SLC22A25: variants seen among roughly 807,000 people sequenced by gnomAD.
SLC22A25 encodes the protein solute carrier family 22 member 25.
SLC22A25 carries 44 observed loss-of-function variants against 45.9 expected under a neutral mutation model. That is an observed-to-expected ratio of 0.96 (90% CI 0.75 to 1.23). The LOEUF is 1.23. Among genes scored for constraint, SLC22A25 ranks in the 50% most tolerant of loss-of-function variants. The probability of loss-of-function intolerance (pLI) is 0.00; values close to 1 mark genes in which losing one functional copy is unlikely to be tolerated. For synonymous variants in SLC22A25, 283 were observed against 238.6 expected (o/e 1.19, Z -1.72); for missense variants, 800 against 666.4 (o/e 1.20, Z -2.21).
Position 63,163,157 on chromosome 11 carries a change from T to C in SLC22A25, c.*667A>G, listed in dbSNP as rs2087564566. On this transcript the variant is annotated 3_prime_UTR_variant, in exon 12 of 12. Transcript: ENST00000306494. ...AAAACCAAGCTCCCAGCCTAGGATC[T>C]GGGAAGGCAGCTTGAATAGCTTCAA... Among the ~76,000 whole-genome samples the C allele has an allele frequency of 6.6e-6, 1 of 152,196 alleles. No homozygotes were observed. Among genetic ancestry groups the C allele is most frequent in the South Asian group, 2.1e-4 (1 of 4,826 alleles).
At chr11:63,184,478 T>A (rs2088446918) in intron 7 of SLC22A25, among the ~76,000 whole-genome samples, 1 of 152,180 alleles carries the variant, frequency 6.6e-6, no homozygotes, top group Non-Finnish European at 1.5e-5. Context: ...TCCACTGAAC[T>A]GATTTTGTTA....
intron 4 of SLC22A25, 148 bp from the exon 5 acceptor site, chr11:63,228,712 A>G (rs2090011521): frequency 1.7e-6 from 1 of 602,262 alleles, no homozygotes; most frequent in Non-Finnish European, 2.9e-6. Context: ...TTCAGGTCTC[A>G]ACTTAAGCAC....
chr11:63,233,029 G>A lies in SLC22A25; in HGVS notation c.-444-2933C>T, dbSNP rs376639573. Among the ~76,000 whole-genome samples the A allele has an allele frequency of 4.4e-4, 67 of 152,174 alleles. 3 individuals are homozygous for A. Among genetic ancestry groups the A allele is most frequent in the East Asian group, 2.3e-3 (12 of 5,178 alleles). Reference sequence around the variant, plus strand: ...AGCTTTTTGATGTGCTGCTGGATTCGGTTTGCCAGTATTTTATTGAGGATT... The same window carrying A: ...AGCTTTTTGATGTGCTGCTGGATTCAGTTTGCCAGTATTTTATTGAGGATT... On this transcript the variant is annotated intron_variant, in intron 3 of 11. Transcript: ENST00000306494.
intron 9 of SLC22A25, among the ~76,000 whole-genome samples, chr11:63,171,598 C>T (rs1459493803): frequency 6.6e-6 from 1 of 152,106 alleles, no homozygotes; most frequent in Non-Finnish European, 1.5e-5. Flanking sequence ...ATACAACTTA[C>T]AAGGGACGTG....
chr11:63,176,062 T>C (rs1467403921), intron 9 of SLC22A25, among the ~76,000 whole-genome samples: 1 of 152,054 alleles, frequency 6.6e-6, no homozygotes, highest in Non-Finnish European at 1.5e-5. Context: ...TTCTCCATTC[T>C]GTTCCATTGG....
At chr11:63,198,036 C>G (rs76383116) in intron 7 of SLC22A25, among the ~76,000 whole-genome samples, 1 of 152,104 alleles carries the variant, frequency 6.6e-6, no homozygotes, top group Non-Finnish European at 1.5e-5. Flanking sequence ...TACCATCTCA[C>G]AGCGTTAGAA....
chr11:63,223,527 T>C (rs1217920736), intron 5 of SLC22A25, among the ~76,000 whole-genome samples: 1 of 152,036 alleles, frequency 6.6e-6, no homozygotes, highest in Non-Finnish European at 1.5e-5. Context: ...TTTCTTAGTC[T>C]AGCTAAAGGT....
rs1377411265 is a variant in SLC22A25, at chr11:63,160,866, C to A, written c.*2958G>T. Reference sequence around the variant, plus strand: ...ATAACTTTGGAGCTTTAAGATTGGACTTCCCTGCTGGATTTTGGAATTGTA... The same window carrying A: ...ATAACTTTGGAGCTTTAAGATTGGAATTCCCTGCTGGATTTTGGAATTGTA... On this transcript the variant is annotated 3_prime_UTR_variant, in exon 12 of 12. Transcript: ENST00000306494. 6.6e-6 allele frequency among the ~76,000 whole-genome samples: 1 copy of A among 152,136 alleles called. No individual in the cohort carries two copies. Among genetic ancestry groups the A allele is most frequent in the Non-Finnish European group, 1.5e-5 (1 of 68,020 alleles).
At chr11:63,224,843 TA>T (rs2089925379) in intron 5 of SLC22A25, among the ~76,000 whole-genome samples, 1 of 152,178 alleles carries the variant, frequency 6.6e-6, no homozygotes, top group Non-Finnish European at 1.5e-5. Flanking sequence ...CTGACGCCTG[TA>T]ATCCCAGCAC....
chr11:63,203,364 T>C (rs994738867), intron 7 of SLC22A25, among the ~76,000 whole-genome samples: 1 of 151,828 alleles, frequency 6.6e-6, no homozygotes, highest in Non-Finnish European at 1.5e-5. Context: ...TCCTCTGAGC[T>C]AAAGGAGCAT....
chr11:63,221,889 C>T (rs1365626028), intron 5 of SLC22A25, among the ~76,000 whole-genome samples: 7 of 152,014 alleles, frequency 4.6e-5, no homozygotes, highest in Admixed American at 2.0e-4. Flanking sequence ...AGAGACTGTC[C>T]TTTTCCCCAA....
intron 7 of SLC22A25, among the ~76,000 whole-genome samples, chr11:63,206,568 A>G (rs537543937): frequency 1.1e-4 from 16 of 152,352 alleles, no homozygotes; most frequent in Admixed American, 2.6e-4. Context: ...ACCTAGGAAT[A>G]GAACTCACAA....
chr11:63,211,385 C>G (rs762093583), intron 7 of SLC22A25, among the ~76,000 whole-genome samples: 3 of 152,120 alleles, frequency 2.0e-5, no homozygotes, highest in Admixed American at 1.3e-4. Flanking sequence ...TGTGACTATC[C>G]ATGCCATAGT....
intron 7 of SLC22A25, among the ~76,000 whole-genome samples, chr11:63,190,876 G>A (rs925404372): frequency 1.3e-5 from 2 of 152,192 alleles, no homozygotes; most frequent in Non-Finnish European, 2.9e-5. Flanking sequence ...TTGGTGAACC[G>A]CAAATGTTGC....
chr11:63,223,457 A>G (rs541037812), intron 5 of SLC22A25, among the ~76,000 whole-genome samples: 97 of 152,178 alleles, frequency 6.4e-4, no homozygotes, highest in African/African-American at 2.2e-3. Context: ...TTTCTGTGGT[A>G]TCAGTTGTAA....
In SLC22A25 at chr11:63,161,890, G is replaced by T. The variant is rs534957223; in HGVS notation, c.*1934C>A. Among the ~76,000 whole-genome samples, 3 of 152,252 alleles carry T rather than the reference G, an allele frequency of 2.0e-5. No homozygotes were observed. Among genetic ancestry groups the T allele is most frequent in the South Asian group, 2.1e-4 (1 of 4,822 alleles). On this transcript the variant is annotated 3_prime_UTR_variant, in exon 12 of 12. Coordinates refer to ENST00000306494, the MANE Select transcript of SLC22A25 (RefSeq NM_199352.6). ...GTACTAATTTACATTCCCACCAACA[G>T]TGTATGAGGGTTCCCTTTTCTCCAC...
At chr11:63,198,238 G>T (rs2089121801) in intron 7 of SLC22A25, among the ~76,000 whole-genome samples, 1 of 152,172 alleles carries the variant, frequency 6.6e-6, no homozygotes, top group Non-Finnish European at 1.5e-5. Context: ...ATATCCAAAG[G>T]ATTATAAATC....
intron 7 of SLC22A25, among the ~76,000 whole-genome samples, chr11:63,204,469 C>T (rs903215225): frequency 2.0e-5 from 3 of 152,042 alleles, no homozygotes; most frequent in Non-Finnish European, 4.4e-5. Flanking sequence ...AGAATATTTA[C>T]CAAGCAAATA....
At chr11:63,231,961 CT>C (rs2090076682) in intron 3 of SLC22A25, among the ~76,000 whole-genome samples, 1 of 152,094 alleles carries the variant, frequency 6.6e-6, no homozygotes, top group African/African-American at 2.4e-5. Flanking sequence ...GGCATTATTT[CT>C]GAGGGCTCTG....
Sources: allele counts gnomAD v4.1 joint callset (sites outside exome capture counted in the v4.1 genomes callset), GRCh38; gene constraint gnomAD v4.1.1; transcripts MANE v1.5; gene names NCBI Gene and HGNC (gene_info 2026-07-23, HGNC 2026-07-21).